VPS13C: variants seen among roughly 807,000 people sequenced by gnomAD.
VPS13C encodes intermembrane lipid transfer protein VPS13C.
In VPS13C, 358 loss-of-function variants were observed where a neutral mutation model predicts 456.8. The observed-to-expected ratio is 0.78, with a 90% CI of 0.72 to 0.86. VPS13C has a LOEUF of 0.86. Among genes scored for constraint, VPS13C ranks in the 40% least tolerant of loss-of-function variants. The pLI, the probability that VPS13C is intolerant of heterozygous loss-of-function variation, is 0.00. For synonymous variants in VPS13C, 1,578 were observed against 1,486.7 expected (o/e 1.06, Z -1.41); for missense variants, 4,818 against 4,385.4 (o/e 1.10, Z -2.79).
intron 30 of VPS13C, among the ~76,000 whole-genome samples, chr15:61,965,164 C>T (rs368753595): frequency 3.0e-4 from 45 of 152,002 alleles, no homozygotes; most frequent in African/African-American, 9.6e-4. Context: ...AACATACAGA[C>T]GGCTTCTTGG....
intron 1 of VPS13C, among the ~76,000 whole-genome samples, chr15:62,056,503 G>A (rs755514706): frequency 2.6e-5 from 4 of 152,174 alleles, no homozygotes; most frequent in Non-Finnish European, 5.9e-5. Context: ...GTTGCCGAGC[G>A]GAAGGTGGTC....
At chr15:61,882,839 T>C in intron 68 of VPS13C, 103 bp from the exon 69 acceptor site, 1 of 1,252,150 alleles carries the variant, frequency 8.0e-7, no homozygotes, top group East Asian at 2.6e-5. Flanking sequence ...TCTTTATCTT[T>C]ATGTCTCACC....
chr15:61,892,977 C>G lies in VPS13C; in HGVS notation c.9106-2577G>C, dbSNP rs1256324247. On this transcript the variant is annotated intron_variant, in intron 66 of 84. Coordinates refer to ENST00000644861, the MANE Select transcript of VPS13C (RefSeq NM_020821.3). The stretch of plus-strand genomic sequence containing the variant: ...AATAAAAAAGAACAAAGAATGCCTG[C>G]AAAATATAGAGAATAACCTCAAAAG... Among the ~76,000 whole-genome samples the G allele has an allele frequency of 2.0e-5, 3 of 151,962 alleles. No individual in the cohort carries two copies. The South Asian group carries it at 6.2e-4, about 32-fold the overall frequency.
rs756012089 is a variant in VPS13C, at chr15:61,963,971, T to C, written c.3215-20A>G. On this transcript the variant is annotated intron_variant, in intron 31 of 84. Coordinates refer to ENST00000644861, the MANE Select transcript of VPS13C (RefSeq NM_020821.3). ...CAATCGCTAAAAATAAAACAAAGCATCTGTCACATGGTGAGATTCTAGTCA... is the reference window on the plus strand; with the variant it reads ...CAATCGCTAAAAATAAAACAAAGCACCTGTCACATGGTGAGATTCTAGTCA... 2 of 1,475,388 alleles carry C rather than the reference T, an allele frequency of 1.4e-6. No homozygotes were observed. Among genetic ancestry groups the C allele is most frequent in the East Asian group, 2.3e-5 (1 of 43,956 alleles). 91.4% of individuals were successfully genotyped at this position (1,475,388 alleles called of 1,614,324 possible).
At chr15:61,935,434 T>A (rs1181212691) in intron 48 of VPS13C, 1 of 152,232 alleles carries the variant, frequency 6.6e-6, no homozygotes, top group African/African-American at 2.4e-5. Flanking sequence ...AAATAATTTA[T>A]ATTCTAATTT....
At chr15:61,904,571 C>T (rs1209647306) in intron 66 of VPS13C, among the ~76,000 whole-genome samples, 2 of 151,186 alleles carry the variant, frequency 1.3e-5, no homozygotes, top group African/African-American at 4.9e-5. Context: ...AGTAGAGCTA[C>T]ATGGAAAACA....
intron 45 of VPS13C, 26 bp downstream of exon 45, chr15:61,945,689 G>A (rs765351599): frequency 9.7e-6 from 15 of 1,543,058 alleles, no homozygotes; most frequent in Non-Finnish European, 1.3e-5. Context: ...CCTCAGTGAG[G>A]AATAAATATA....
intron 19 of VPS13C, among the ~76,000 whole-genome samples, chr15:61,984,445 A>G (rs2045975190): frequency 1.3e-5 from 2 of 152,228 alleles, no homozygotes; most frequent in Admixed American, 1.3e-4. Context: ...AAGCTCGTGT[A>G]GCATTAACTA....
intron 15 of VPS13C, among the ~76,000 whole-genome samples, chr15:62,002,462 T>C (rs1019063812): frequency 3.4e-4 from 52 of 152,352 alleles, no homozygotes; most frequent in Middle Eastern, 6.8e-3. Context: ...TCTCCCATTT[T>C]GTAGGTTGCC....
At chr15:62,019,206 T>A (rs2047368615) in intron 9 of VPS13C, among the ~76,000 whole-genome samples, 1 of 152,162 alleles carries the variant, frequency 6.6e-6, no homozygotes. Flanking sequence ...TTACTAGCAG[T>A]CTATCGATTT....
In VPS13C at chr15:62,060,303, C is replaced by A. The variant is rs773485474; in HGVS notation, c.72G>T (p.Lys24Asn). ...FLGDYVENLN[K>N]SQLKLGIWGG... ...CCCAGATGCCCAGCTTCAGCTGGGACTTGTTCAGGTTCTCCACATAGTCCC... is the reference window on the plus strand; with the variant it reads ...CCCAGATGCCCAGCTTCAGCTGGGAATTGTTCAGGTTCTCCACATAGTCCC... The change falls in exon 1 of 85, where the codon AAG becomes AAT. Residue 24 changes from lysine (K) to asparagine (N), a missense_variant. This residue lies in a region of VPS13C where 4,552 missense variants were observed against 4,130.6 expected (regional missense o/e 1.10). Transcript: ENST00000644861. 1.2e-6 allele frequency: 2 copies of A among 1,607,478 alleles called. No homozygotes were observed. Among genetic ancestry groups the A allele is most frequent in the South Asian group, 2.2e-5 (2 of 89,994 alleles).
chr15:61,981,680 G>GA (rs1261634825), intron 21 of VPS13C, among the ~76,000 whole-genome samples: 1 of 152,106 alleles, frequency 6.6e-6, no homozygotes, highest in East Asian at 1.9e-4. Flanking sequence ...CTAACACGGT[G>GA]AAACCCCGTC....
In VPS13C at chr15:61,909,046, G is replaced by A. The variant is rs768725072; in HGVS notation, c.8924C>T (p.Ala2975Val). ...TGTATGGTTCATTATCAAGGCAGGT[G>A]CAGATCCCTCATGGTAATCAGAAAA... ...ITFSDYHEGSAPALIMNHTPW... is the reference protein window; with the variant it reads ...ITFSDYHEGSVPALIMNHTPW... The change falls in exon 65 of 85, where the codon GCA becomes GTA. Residue 2975 changes from alanine (A) to valine (V), a missense_variant. Transcript: ENST00000644861. 27 of 1,613,742 alleles carry A rather than the reference G, an allele frequency of 1.7e-5. No individual in the cohort carries two copies. The highest frequency in any genetic ancestry group is 2.3e-5 in the Non-Finnish European group (27 of 1,179,974).
chr15:61,885,225 G>T (rs1397749095), intron 67 of VPS13C, among the ~76,000 whole-genome samples: 1 of 152,016 alleles, frequency 6.6e-6, no homozygotes, highest in African/African-American at 2.4e-5. Context: ...CTATACTGTA[G>T]TATAAATTTT....
At chr15:62,037,479 A>ATATTGTAAGAATATAATAAATTTATTC (rs1190246329) in intron 3 of VPS13C, among the ~76,000 whole-genome samples, 2 of 111,362 alleles carry the variant, frequency 1.8e-5, no homozygotes, top group Admixed American at 1.9e-4. Context: ...TAAATTTATT[A>ATATTGTAAGAATATAATAAATTTATTC]TATTGTAAGA....
At chr15:62,014,512 G>A (rs1014468321) in intron 9 of VPS13C, among the ~76,000 whole-genome samples, 1 of 151,988 alleles carries the variant, frequency 6.6e-6, no homozygotes, top group Admixed American at 6.6e-5. Context: ...TGAGCACATA[G>A]GTAAAATGAG....
chr15:61,981,557 G>A lies in VPS13C; in HGVS notation c.2030-79C>T, dbSNP rs932388923. On this transcript the variant is annotated intron_variant, in intron 21 of 84. Coordinates refer to ENST00000644861, the MANE Select transcript of VPS13C (RefSeq NM_020821.3). ...CATATTATTAACAACTAGAATAAGA[G>A]TTTTACTTGAAAAGTATTACAGGTC... is the stretch of plus-strand genomic sequence containing the variant. 2.8e-6 allele frequency: 4 copies of A among 1,411,634 alleles called. No homozygotes were observed. The African/African-American group carries it at 5.9e-5, about 21-fold the overall frequency. 87.4% of individuals were successfully genotyped at this position (1,411,634 alleles called of 1,614,324 possible). A position where few individuals can be genotyped will look rare whatever the true frequency, so the allele number is the denominator to read the frequency against.
intron 12 of VPS13C, 115 bp downstream of exon 12, chr15:62,011,992 G>C: frequency 1.6e-6 from 1 of 621,092 alleles, no homozygotes; most frequent in East Asian, 3.2e-5. Context: ...ATAATAGTAA[G>C]GTATAAAATT....
At chr15:61,897,421 C>G (rs1008735055) in intron 66 of VPS13C, among the ~76,000 whole-genome samples, 15 of 152,130 alleles carry the variant, frequency 9.9e-5, no homozygotes, top group Non-Finnish European at 2.2e-4. Context: ...ACTGATGGAG[C>G]TGAAAACCAA....
Sources: gnomAD v4.1 joint callset for allele counts (sites outside exome capture counted in the v4.1 genomes callset) on GRCh38, gnomAD v4.1.1 for gene constraint, gnomAD v4.1.1 regional missense constraint, MANE v1.5 for transcripts, NCBI Gene and HGNC (gene_info 2026-07-23, HGNC 2026-07-21) for gene names.